The following ROBO1 variants were observed in gnomAD, a reference collection of about 807,000 sequenced individuals.
ROBO1 encodes the protein roundabout homolog 1.
A neutral mutation model predicts 195.9 loss-of-function variants in ROBO1; 149 were observed. The ratio of observed to expected loss-of-function variants is 0.76; its 90% confidence interval spans 0.67 to 0.87. The LOEUF is 0.87. Ranked by LOEUF, ROBO1 falls within the 40% of genes least tolerant of loss-of-function variation. The probability of loss-of-function intolerance (pLI) is 0.00; values close to 1 mark genes in which losing one functional copy is unlikely to be tolerated. For missense variants in ROBO1, 1,933 were observed against 2,068.3 expected (o/e 0.93, Z 1.27); for synonymous variants, 816 against 733.2 (o/e 1.11, Z -1.82).
At chr3:79,740,238 T>TATATATATATAAATTTATATATAA (rs1703582218) in intron 1 of ROBO1, among the ~76,000 whole-genome samples, 3 of 21,372 alleles carry the variant, frequency 1.4e-4, no homozygotes, top group African/African-American at 2.4e-4. Context: ...TATATATAAA[T>TATATATATATAAATTTATATATAA]ATATATATAT....
intron 3 of ROBO1, among the ~76,000 whole-genome samples, chr3:79,023,978 G>A (rs1169281772): frequency 1.3e-5 from 2 of 151,598 alleles, no homozygotes; most frequent in African/African-American, 4.9e-5. Context: ...CCAAAGTGCT[G>A]GGATTACAGG....
At chr3:79,385,481 T>C (rs879343184) in intron 2 of ROBO1, among the ~76,000 whole-genome samples, 2 of 152,090 alleles carry the variant, frequency 1.3e-5, no homozygotes, top group African/African-American at 4.8e-5. Context: ...AATGTTACAC[T>C]ACTGCACAAA....
chr3:79,435,394 C>T (rs1306715220), intron 2 of ROBO1, among the ~76,000 whole-genome samples: 2 of 151,990 alleles, frequency 1.3e-5, no homozygotes, highest in South Asian at 2.1e-4. Flanking sequence ...CTCTATCAAA[C>T]GTTTTGAATC....
In ROBO1 at chr3:79,298,489, TC is replaced by T. The variant is rs1463552325; in HGVS notation, c.89-172951del. 2.0e-5 allele frequency among the ~76,000 whole-genome samples: 3 copies of T among 152,254 alleles called. No individual in the cohort carries two copies. The South Asian group carries it at 6.2e-4, about 32-fold the overall frequency. ...TGCTGTCTGTTTCTCTATTTTATGGTCCCTTTGAAAAGACTGAACCATTCTT... is the reference window on the plus strand; with the variant it reads ...TGCTGTCTGTTTCTCTATTTTATGGTCCTTTGAAAAGACTGAACCATTCTT... On this transcript the variant is annotated intron_variant, in intron 2 of 30. Coordinates refer to ENST00000464233, the MANE Select transcript of ROBO1 (RefSeq NM_002941.4).
intron 1 of ROBO1, among the ~76,000 whole-genome samples, chr3:79,725,613 A>G (rs1347665545): frequency 6.6e-6 from 1 of 152,186 alleles, no homozygotes; most frequent in East Asian, 1.9e-4. Flanking sequence ...AGAAAGATGA[A>G]TGCAATACCA....
intron 3 of ROBO1, among the ~76,000 whole-genome samples, chr3:78,945,549 T>A (rs532072672): frequency 4.0e-5 from 6 of 151,820 alleles, no homozygotes; most frequent in Non-Finnish European, 8.8e-5. Flanking sequence ...CAAAGGTAGA[T>A]AAAACCACAA....
At chr3:79,588,834 C>G (rs1041055438) in intron 2 of ROBO1, among the ~76,000 whole-genome samples, 3 of 151,630 alleles carry the variant, frequency 2.0e-5, no homozygotes, top group Non-Finnish European at 4.4e-5. Flanking sequence ...ATGTTTTTAA[C>G]AGATATATAA....
At chr3:79,693,757 G>A (rs1947364095) in intron 1 of ROBO1, among the ~76,000 whole-genome samples, 1 of 151,168 alleles carries the variant, frequency 6.6e-6, no homozygotes, top group Non-Finnish European at 1.5e-5. Flanking sequence ...TTTTTTATGA[G>A]GACACAAATC....
rs989451628 is a variant in ROBO1 at position 79,240,935 on chromosome 3, C to T, written c.89-115396G>A. On this transcript the variant is annotated intron_variant, in intron 2 of 30. Transcript: ENST00000464233. ...TAGGATTATAGGCATGAACACCTTGCCATGCCTCATTTTTTTAACTTTGAA... is the reference window on the plus strand; with the variant it reads ...TAGGATTATAGGCATGAACACCTTGTCATGCCTCATTTTTTTAACTTTGAA... 2.6e-5 allele frequency among the ~76,000 whole-genome samples: 4 copies of T among 152,052 alleles called. No individual in the cohort carries two copies. In the East Asian group the frequency reaches 7.7e-4, roughly 29 times the overall value.
intron 10 of ROBO1, among the ~76,000 whole-genome samples, chr3:78,678,706 C>T (rs2107775963): frequency 6.6e-6 from 1 of 152,252 alleles, no homozygotes; most frequent in South Asian, 2.1e-4. Flanking sequence ...CAAAAAGAGT[C>T]CAGGACCAGA....
intron 2 of ROBO1, among the ~76,000 whole-genome samples, chr3:79,266,242 C>T (rs996662860): frequency 2.0e-5 from 3 of 151,480 alleles, no homozygotes; most frequent in African/African-American, 7.3e-5. Flanking sequence ...CCAGCGAGAG[C>T]TCAAATACAT....
chr3:79,191,109 C>T (rs1428140799), intron 2 of ROBO1, among the ~76,000 whole-genome samples: 1 of 151,384 alleles, frequency 6.6e-6, no homozygotes, highest in Non-Finnish European at 1.5e-5. Flanking sequence ...GGTTAATTCT[C>T]GTGATTTTTG....
At chr3:79,017,450 A>AGTGTGTGTGTGTGT (rs60522056) in intron 3 of ROBO1, among the ~76,000 whole-genome samples, 78 of 133,508 alleles carry the variant, frequency 5.8e-4, no homozygotes, top group Middle Eastern at 3.8e-3. Flanking sequence ...TCCGAGGTGC[A>AGTGTGTGTGTGTGT]GTGTGTGTGT....
chr3:79,363,032 A>G (rs186946090), intron 2 of ROBO1, among the ~76,000 whole-genome samples: 35 of 152,296 alleles, frequency 2.3e-4, no homozygotes, highest in Admixed American at 1.4e-3. Flanking sequence ...TAAGTGATGT[A>G]ATTTTCTCAG....
chr3:78,622,899 G>A (rs2107446224), intron 26 of ROBO1, among the ~76,000 whole-genome samples: 1 of 152,192 alleles, frequency 6.6e-6, no homozygotes, highest in East Asian at 1.9e-4. Flanking sequence ...TCAGACACAT[G>A]AGTGAAGAAA....
At chr3:78,720,745 C>A (rs1403880266) in intron 5 of ROBO1, among the ~76,000 whole-genome samples, 1 of 152,044 alleles carries the variant, frequency 6.6e-6, no homozygotes, top group Non-Finnish European at 1.5e-5. Flanking sequence ...ATATATACAC[C>A]ATGGAATACT....
intron 1 of ROBO1, among the ~76,000 whole-genome samples, chr3:79,614,802 C>T (rs1465080140): frequency 3.3e-5 from 4 of 122,064 alleles, no homozygotes; most frequent in Non-Finnish European, 6.7e-5. Context: ...AATGCAATCC[C>T]AATTATAATC....
intron 4 of ROBO1, among the ~76,000 whole-genome samples, chr3:78,858,879 C>T (rs547369532): frequency 6.6e-6 from 1 of 151,888 alleles, no homozygotes; most frequent in East Asian, 1.9e-4. Flanking sequence ...ATATGAATAG[C>T]CAAATCTAGA....
intron 2 of ROBO1, among the ~76,000 whole-genome samples, chr3:79,338,376 C>G (rs990698749): frequency 6.6e-6 from 1 of 152,078 alleles, no homozygotes. Context: ...CTTGTAAGTG[C>G]CTATTTGCCC....
Sources: allele counts gnomAD v4.1 joint callset (sites outside exome capture counted in the v4.1 genomes callset), GRCh38; gene constraint gnomAD v4.1.1; transcripts MANE v1.5; gene names NCBI Gene and HGNC (gene_info 2026-07-23, HGNC 2026-07-21).